DST: variants seen among roughly 807,000 people sequenced by gnomAD.
The protein encoded by DST is bullous pemphigoid antigen.
DST carries 253 observed loss-of-function variants against 875.2 expected under a neutral mutation model. The ratio of observed to expected loss-of-function variants is 0.29; its 90% CI spans 0.26 to 0.32. The LOEUF (loss-of-function observed/expected upper bound fraction) is 0.32. Among genes scored for constraint, DST ranks in the 10% least tolerant of loss-of-function variants. DST has a pLI of 1.00. For synonymous variants in DST, 3,124 were observed against 3,197.1 expected, an observed-to-expected ratio of 0.98 and a Z score of 0.77; for missense variants, 8,287 against 9,111.6, an observed-to-expected ratio of 0.91 and a Z score of 3.68.
At chr6:56,581,474 G>A (rs796169118) in intron 49 of DST, among the ~76,000 whole-genome samples, 1 of 152,162 alleles carries the variant, frequency 6.6e-6, no homozygotes, top group South Asian at 2.1e-4. Flanking sequence ...AGACTAATGA[G>A]TCCTTGAATT....
At chr6:56,939,799 T>C (rs867899989) in intron 2 of DST, among the ~76,000 whole-genome samples, 28 of 152,196 alleles carry the variant, frequency 1.8e-4, no homozygotes, top group Middle Eastern at 3.4e-3. Flanking sequence ...CCGAGGCGGC[T>C]GGATCACTTG....
intron 72 of DST, among the ~76,000 whole-genome samples, chr6:56,512,261 G>C (rs1261088940): frequency 1.3e-5 from 2 of 152,122 alleles, no homozygotes; most frequent in Non-Finnish European, 2.9e-5. Flanking sequence ...CTAGTGCGTG[G>C]GTGTAGAATT....
chr6:56,797,400 A>T (rs2099741196), intron 4 of DST, among the ~76,000 whole-genome samples: 1 of 152,164 alleles, frequency 6.6e-6, no homozygotes. Flanking sequence ...CATATCTCTC[A>T]CTTTACTCAA....
At chr6:56,648,773 G>A (rs1450356269) in intron 12 of DST, 84 bp from the exon 13 acceptor site, 53 of 1,159,994 alleles carry the variant, frequency 4.6e-5, no homozygotes, top group East Asian at 2.7e-5. Context: ...AAGTCATTCT[G>A]TAAATGTATG....
In DST at chr6:56,673,816, A is replaced by G. The variant is rs545887565; in HGVS notation, c.1048-3009T>C. The stretch of plus-strand genomic sequence containing the variant: ...AATATCAAAGATTAAGCCAAGTTCC[A>G]GACTCCACTAGGCCCACAAGCAGGG... On this transcript the variant is annotated intron_variant, in intron 9 of 103. Coordinates refer to ENST00000680361, the MANE Select transcript of DST (RefSeq NM_001374736.1). 3.9e-5 allele frequency among the ~76,000 whole-genome samples: 6 copies of G among 152,338 alleles called. No homozygotes were observed. The South Asian group carries it at 1.2e-3, about 32-fold the overall frequency.
chr6:56,861,539 T>C (rs76084968), intron 3 of DST, among the ~76,000 whole-genome samples: 5,396 of 152,216 alleles, frequency 0.035, 334 homozygotes, highest in African/African-American at 0.12. Flanking sequence ...CACATCCTCC[T>C]CTTAGAACAC....
intron 3 of DST, among the ~76,000 whole-genome samples, chr6:56,883,173 T>C (rs1442412215): frequency 1.3e-5 from 2 of 152,214 alleles, no homozygotes; most frequent in African/African-American, 4.8e-5. Flanking sequence ...AGGCCCATGT[T>C]GCCTTTAAGG....
At chr6:56,675,067 G>C (rs1049712838) in intron 9 of DST, among the ~76,000 whole-genome samples, 1 of 152,152 alleles carries the variant, frequency 6.6e-6, no homozygotes, top group Non-Finnish European at 1.5e-5. Context: ...AAAACAGACA[G>C]ACCAGTGGAA....
chr6:56,906,576 G>T (rs1326503709), intron 2 of DST, among the ~76,000 whole-genome samples: 2 of 152,110 alleles, frequency 1.3e-5, no homozygotes, highest in Non-Finnish European at 2.9e-5. Flanking sequence ...CCGCTATGTA[G>T]ACGTCACACC....
rs2098809287 is a variant in DST at position 56,634,512 on chromosome 6, C to A, written c.3444G>T (p.Val1148=). Residue 1148 remains valine, a synonymous_variant, in exon 26 of 104, where the codon GTG becomes GTT. Transcript: ENST00000680361. ...PTGNEAMVPS[V]CFTVPPPNKE... ...TGTTTGGTGGAGGAACGGTGAAGCA[C>A]ACAGATGGGACCATAGCCTCATTCC... 3 of 1,614,072 alleles carry A rather than the reference C, an allele frequency of 1.9e-6. No individual in the cohort carries two copies. The highest frequency in any genetic ancestry group is 2.5e-6 in the Non-Finnish European group (3 of 1,180,038).
chr6:56,786,401 C>T (rs973381651), intron 4 of DST, among the ~76,000 whole-genome samples: 7 of 152,204 alleles, frequency 4.6e-5, no homozygotes, highest in African/African-American at 1.7e-4. Flanking sequence ...ACTTCCTGAT[C>T]ACCTAATAAT....
intron 5 of DST, among the ~76,000 whole-genome samples, chr6:56,716,601 G>C (rs752747271): frequency 6.6e-6 from 1 of 152,202 alleles, no homozygotes; most frequent in Non-Finnish European, 1.5e-5. Context: ...TGTAATCCCA[G>C]CTACTCATGA....
At chr6:56,509,349 G>A (rs184610538) in intron 74 of DST, among the ~76,000 whole-genome samples, 229 of 152,250 alleles carry the variant, frequency 1.5e-3, no homozygotes, top group Non-Finnish European at 2.8e-3. Flanking sequence ...GGCCTTATTA[G>A]CAATATGCTT....
Position 56,554,335 on chromosome 6 carries a change from C to T in DST, c.15137-680G>A, listed in dbSNP as rs546106466. 7.9e-5 allele frequency among the ~76,000 whole-genome samples: 12 copies of T among 152,142 alleles called. No individual in the cohort carries two copies. In the South Asian group the frequency reaches 1.5e-3, roughly 18 times the overall value. On this transcript the variant is annotated intron_variant, in intron 60 of 103. Transcript: ENST00000680361. Reference sequence around the variant, plus strand: ...TCCTGACCTCGTGATCCGCCGGCCTCGGCCTCCCAAAGTGCTGGGATTACA... The same window carrying T: ...TCCTGACCTCGTGATCCGCCGGCCTTGGCCTCCCAAAGTGCTGGGATTACA...
intron 98 of DST, chr6:56,466,457 TTTTC>T: frequency 3.7e-6 from 1 of 270,956 alleles, no homozygotes; most frequent in Non-Finnish European, 6.9e-6. Context: ...TAAAAATTAT[TTTTC>T]TTTCTTATGA....
At position 56,463,020 on chromosome 6, in the gene DST, GACTGGA is replaced by G; in HGVS notation, c.23070+20_23070+25del. 7.3e-7 allele frequency: 1 copy of G among 1,361,848 alleles called. No homozygotes were observed. Among genetic ancestry groups the G allele is most frequent in the South Asian group, 1.2e-5 (1 of 82,454 alleles). 84.4% of individuals were successfully genotyped at this position (1,361,848 alleles called of 1,614,324 possible). On this transcript the variant is annotated intron_variant, in intron 102 of 103. Transcript: ENST00000680361. ...AGCTTCAGTTAAAGGAGAATGTTAAGACTGGACTCTGGGGCCTTACAATACCTCTGC... is the reference window on the plus strand; with the variant it reads ...AGCTTCAGTTAAAGGAGAATGTTAAGCTCTGGGGCCTTACAATACCTCTGC...
chr6:56,718,075 TTAAA>T (rs58579678), intron 5 of DST, among the ~76,000 whole-genome samples: 33,924 of 151,268 alleles, frequency 0.22, 4,722 homozygotes, highest in African/African-American at 0.39. Context: ...AAACCTTGTC[TTAAA>T]TAAATAAATA....
At position 56,578,801 on chromosome 6, in the gene DST, A is replaced by G. The variant is rs781754674; in HGVS notation, c.13027+13T>C. 9 of 1,611,550 alleles carry G rather than the reference A, an allele frequency of 5.6e-6. No individual in the cohort carries two copies. In the East Asian group the frequency reaches 1.3e-4, roughly 24 times the overall value. On this transcript the variant is annotated intron_variant, in intron 50 of 103. Transcript: ENST00000680361. ...TACCTGTGAGACAGGAAGCAAGGAC[A>G]TGAATATCTTACCAAGTGTTTTCTG...
In DST at chr6:56,560,303, T is replaced by C. The variant is rs1373336266; in HGVS notation, c.14431A>G (p.Thr4811Ala). The change falls in exon 58 of 104, where the codon ACA (threonine) becomes GCA (alanine). Residue 4811 changes from threonine to alanine, a missense_variant. This residue lies in a region of DST where 1,513 missense variants were observed against 1,677.8 expected (regional missense o/e 0.90). Transcript: ENST00000680361. ...AAGTAACGCAACATACCTATTTCTG[T>C]CAACATCTGTTTCCATCTGGGGGCC... ...PEAPRWKQML[T>A]EIDSKWQELN... 1.9e-6 allele frequency: 3 copies of C among 1,607,352 alleles called. No homozygotes were observed. The highest frequency in any genetic ancestry group is 2.5e-6 in the Non-Finnish European group (3 of 1,176,880).
Sources: gnomAD v4.1 joint callset for allele counts (sites outside exome capture counted in the v4.1 genomes callset) on GRCh38, gnomAD v4.1.1 for gene constraint, gnomAD v4.1.1 regional missense constraint, MANE v1.5 for transcripts, NCBI Gene and HGNC (gene_info 2026-07-23, HGNC 2026-07-21) for gene names.